ODF2L: variants seen among roughly 807,000 people sequenced by gnomAD.
The protein encoded by ODF2L is protein BCAP.
A neutral mutation model predicts 86.3 loss-of-function variants in ODF2L; 76 were observed. That is an observed-to-expected ratio of 0.88 (90% CI 0.73 to 1.07). ODF2L has a LOEUF of 1.07. Among genes scored for constraint, ODF2L ranks in the 50% least tolerant of loss-of-function variants. ODF2L has a pLI of 0.00. For missense variants in ODF2L, 748 were observed against 717.4 expected (o/e 1.04, Z -0.49); for synonymous variants, 241 against 231.3 (o/e 1.04, Z -0.38).
chr1:86,358,901 A>G lies in ODF2L; in HGVS notation c.1255-10T>C. 1 of 1,308,534 alleles carries G rather than the reference A, an allele frequency of 7.6e-7. No homozygotes were observed. Among genetic ancestry groups the G allele is most frequent in the Non-Finnish European group, 1.1e-6 (1 of 942,644 alleles). 81.1% of individuals were successfully genotyped at this position (1,308,534 alleles called of 1,614,324 possible). On this transcript the variant is annotated splice_polypyrimidine_tract_variant and intron_variant, in intron 12 of 17. Transcript: ENST00000317336. The stretch of plus-strand genomic sequence containing the variant: ...CTTGCAACTTTTGTACCTGAAAATA[A>G]AGTATTAGAGAAACATATTATTTTT...
chr1:86,355,893 T>C (rs1658525256), intron 14 of ODF2L: 1 of 158,720 alleles, frequency 6.3e-6, no homozygotes, highest in Admixed American at 6.4e-5. Flanking sequence ...ATCTTTGGAC[T>C]GCTCCTTTAA....
chr1:86,387,167 G>C (rs1470164210), intron 1 of ODF2L, 81 bp from the exon 2 acceptor site: 5 of 485,732 alleles, frequency 1.0e-5, no homozygotes, highest in Non-Finnish European at 1.8e-5. Context: ...AAGGTTATAA[G>C]GATGTGTAAA....
Position 86,383,013 on chromosome 1 carries a change from TATAAA to T in ODF2L, c.436-16_436-12del. On this transcript the variant is annotated splice_polypyrimidine_tract_variant and intron_variant, in intron 5 of 17. Transcript: ENST00000317336. ...CTTCTTCTTAAGATTCTTGAGCAAA[TATAAA>T]ATAAGAATTAGGAATTTCACAACTT... 7.0e-7 allele frequency: 1 copy of T among 1,438,598 alleles called. No individual in the cohort carries two copies. Among genetic ancestry groups the T allele is most frequent in the Non-Finnish European group, 9.8e-7 (1 of 1,023,134 alleles). The allele number at this position is 1,438,598 out of a possible 1,614,324, so 89.1% of individuals were successfully genotyped here.
chr1:86,388,380 A>C (rs1360263824), intron 1 of ODF2L, among the ~76,000 whole-genome samples: 1 of 152,108 alleles, frequency 6.6e-6, no homozygotes, highest in Non-Finnish European at 1.5e-5. Flanking sequence ...CCATACAGAA[A>C]GCAACTGGTA....
intron 11 of ODF2L, among the ~76,000 whole-genome samples, chr1:86,364,148 T>C (rs1237536322): frequency 6.6e-6 from 1 of 152,202 alleles, no homozygotes; most frequent in African/African-American, 2.4e-5. Context: ...CATCATTTTA[T>C]CAAAAACTAG....
At chr1:86,361,983 A>G (rs961122198) in intron 11 of ODF2L, among the ~76,000 whole-genome samples, 3 of 152,260 alleles carry the variant, frequency 2.0e-5, no homozygotes, top group Non-Finnish European at 4.4e-5. Flanking sequence ...GCTAGGAATG[A>G]CATGTGGGCG....
intron 8 of ODF2L, among the ~76,000 whole-genome samples, chr1:86,373,511 A>T (rs1659954485): frequency 2.0e-5 from 3 of 149,112 alleles, no homozygotes; most frequent in Admixed American, 1.3e-4. Context: ...TATGTTATAC[A>T]TATATATTGA....
chr1:86,356,364 A>G (rs1658558156), intron 14 of ODF2L, 80 bp downstream of exon 13: 1 of 1,146,418 alleles, frequency 8.7e-7, no homozygotes, highest in Non-Finnish European at 1.2e-6. Context: ...AAGCCCTGAC[A>G]TGAGTGCCCT....
intron 1 of ODF2L, among the ~76,000 whole-genome samples, chr1:86,391,165 A>G (rs1029469394): frequency 6.6e-6 from 1 of 152,198 alleles, no homozygotes; most frequent in African/African-American, 2.4e-5. Context: ...GAAAACTATA[A>G]AACACTGCTG....
chr1:86,376,328 T>C, exon 8 of ODF2L: 1 of 1,612,324 alleles, frequency 6.2e-7, no homozygotes, highest in Non-Finnish European at 8.5e-7. Context: ...AAAGCTACAG[T>C]TTTTTGCCTA....
At chr1:86,348,884 GA>G, downstream of ODF2L, 2 of 1,540,924 alleles carry the variant, frequency 1.3e-6, no homozygotes, top group Admixed American at 2.3e-5. Flanking sequence ...GCTTTCTAAA[GA>G]AAAAAGGAAA....
intron 1 of ODF2L, among the ~76,000 whole-genome samples, chr1:86,390,056 A>G (rs1176097563): frequency 6.6e-6 from 1 of 152,162 alleles, no homozygotes; most frequent in Non-Finnish European, 1.5e-5. Flanking sequence ...TATCACCCTA[A>G]TGCCAAAACC....
exon 18 of ODF2L, chr1:86,352,139 A>C: frequency 6.7e-7 from 1 of 1,489,684 alleles, no homozygotes; most frequent in Non-Finnish European, 8.9e-7. Context: ...TTAACTCTTG[A>C]ATCTTTTAGG....
At chr1:86,378,556 GT>G (rs1478006306) in intron 7 of ODF2L, among the ~76,000 whole-genome samples, 1 of 152,204 alleles carries the variant, frequency 6.6e-6, no homozygotes, top group Non-Finnish European at 1.5e-5. Flanking sequence ...AAAGGGACAA[GT>G]TTTAATTGAC....
chr1:86,368,321 C>T (rs1345599931), intron 11 of ODF2L, among the ~76,000 whole-genome samples: 13 of 152,158 alleles, frequency 8.5e-5, no homozygotes, highest in African/African-American at 1.2e-4. Context: ...AGGAATTTAA[C>T]ATGTCTTTTA....
At position 86,394,840 on chromosome 1, in the gene ODF2L, CT is replaced by C. The variant is rs33996151; in HGVS notation, c.-60+1192del. 7.0e-3 allele frequency among the ~76,000 whole-genome samples: 903 copies of C among 129,266 alleles called. 5 individuals are homozygous for C. The highest frequency in any genetic ancestry group is 0.042 in the East Asian group (185 of 4,436). The allele number at this position is 129,266 out of a possible 152,430, so 84.8% of individuals were successfully genotyped here. Reference sequence around the variant, plus strand: ...GTTTTCTGCAGTTTGTTTCTTTTTCCTTTTTTTTTTTTTTTTTTGAGACAGA... The same window carrying C: ...GTTTTCTGCAGTTTGTTTCTTTTTCCTTTTTTTTTTTTTTTTTGAGACAGA... On this transcript the variant is annotated intron_variant, in intron 1 of 17. Coordinates refer to ENST00000317336, the Ensembl canonical transcript of ODF2L.
intron 7 of ODF2L, 121 bp downstream of exon 7, chr1:86,382,121 T>C (rs1053066103): frequency 6.3e-6 from 8 of 1,268,380 alleles, no homozygotes; most frequent in Non-Finnish European, 8.1e-6. Context: ...TAAATATGTA[T>C]TTCCCATGTC....
intron 16 of ODF2L, 74 bp downstream of exon 15, chr1:86,354,456 A>G: frequency 1.1e-6 from 1 of 926,086 alleles, no homozygotes; most frequent in Non-Finnish European, 1.7e-6. Context: ...CAATAACTAC[A>G]GGTTGCAAGA....
chr1:86,362,109 C>T (rs1659078834), intron 11 of ODF2L, among the ~76,000 whole-genome samples: 1 of 151,568 alleles, frequency 6.6e-6, no homozygotes, highest in Admixed American at 6.6e-5. Context: ...ACAAGAAAGC[C>T]AGTGAGGTAG....
Sources: gnomAD v4.1 joint callset for allele counts (sites outside exome capture counted in the v4.1 genomes callset) on GRCh38, gnomAD v4.1.1 for gene constraint, MANE v1.5 for transcripts, NCBI Gene and HGNC (gene_info 2026-07-23, HGNC 2026-07-21) for gene names.